ALDH18A1: variants seen among roughly 807,000 people sequenced by gnomAD.
ALDH18A1 encodes delta-1-pyrroline-5-carboxylate synthase.
In ALDH18A1, 44 loss-of-function variants were observed where a neutral mutation model predicts 88.8. That is an observed-to-expected ratio of 0.50 (90% CI 0.39 to 0.64). The LOEUF is 0.64. ALDH18A1 is among the 30% of genes least tolerant of loss of function. The pLI, the probability that ALDH18A1 is intolerant of heterozygous loss-of-function variation, is 0.00. For synonymous variants in ALDH18A1, 331 were observed against 372.1 expected, an observed-to-expected ratio of 0.89 and a Z score of 1.27; for missense variants, 782 against 1,009.5, an observed-to-expected ratio of 0.77 and a Z score of 3.05.
chr10:95,618,935 T>C (rs956272329), intron 12 of ALDH18A1, among the ~76,000 whole-genome samples: 4 of 152,218 alleles, frequency 2.6e-5, no homozygotes, highest in Non-Finnish European at 4.4e-5. Flanking sequence ...AATGGACATA[T>C]GAACAACTAC....
At chr10:95,655,354 G>C (rs764581384) in intron 1 of ALDH18A1, among the ~76,000 whole-genome samples, 5 of 152,134 alleles carry the variant, frequency 3.3e-5, no homozygotes, top group Non-Finnish European at 7.3e-5. Flanking sequence ...GTAAATGTCA[G>C]TTTTCCTCCT....
chr10:95,642,998 A>C lies in ALDH18A1; in HGVS notation c.297T>G (p.Val99=). ...TTTCTATCTTGGCAATCACCTGCTC[A>C]ACAATAGATGCCAAGCGCCCCAGGG... ...GLALGRLASI[V]EQVSVLQNQG... Residue 99 remains valine, a synonymous_variant, in exon 3 of 18, where the codon GTT becomes GTG. Coordinates refer to ENST00000371224, the MANE Select transcript of ALDH18A1 (RefSeq NM_002860.4). The C allele has an allele frequency of 1.2e-6, 2 of 1,613,390 alleles. No individual in the cohort carries two copies. The highest frequency in any genetic ancestry group is 1.8e-4 in the Middle Eastern group (1 of 5,530).
In ALDH18A1 at chr10:95,645,774, G is replaced by A. The variant is rs375107216; in HGVS notation, c.89-2568C>T. ...TCATCTGGGATGGAACTGGGATTCCGATGGCATTGCTGGATCCACAGGTGC... is the reference window on the plus strand; with the variant it reads ...TCATCTGGGATGGAACTGGGATTCCAATGGCATTGCTGGATCCACAGGTGC... On this transcript the variant is annotated intron_variant, in intron 2 of 17. Coordinates refer to ENST00000371224, the MANE Select transcript of ALDH18A1 (RefSeq NM_002860.4). Among the ~76,000 whole-genome samples, 669 of 152,094 alleles carry A rather than the reference G, an allele frequency of 4.4e-3. 2 individuals are homozygous for A. Among genetic ancestry groups the A allele is most frequent in the Middle Eastern group, 0.02 (6 of 294 alleles).
intron 16 of ALDH18A1, among the ~76,000 whole-genome samples, chr10:95,610,843 C>T (rs483920): frequency 0.13 from 20,031 of 152,164 alleles, 1,928 homozygotes; most frequent in East Asian, 0.49. Context: ...GCATCCTCCA[C>T]CATTGAGGCT....
intron 2 of ALDH18A1, among the ~76,000 whole-genome samples, chr10:95,644,009 G>C (rs1013588561): frequency 5.0e-4 from 76 of 152,266 alleles, no homozygotes; most frequent in South Asian, 1.0e-3. Flanking sequence ...CGAGCATGGT[G>C]GTGGGCACCT....
At chr10:95,622,194 CT>C (rs1182158513) in intron 11 of ALDH18A1, among the ~76,000 whole-genome samples, 1 of 151,820 alleles carries the variant, frequency 6.6e-6, no homozygotes, top group Non-Finnish European at 1.5e-5. Context: ...AAAAAGAAAA[CT>C]TTTTTCCTTT....
chr10:95,625,216 T>A, intron 11 of ALDH18A1, 146 bp downstream of exon 11: 1 of 778,036 alleles, frequency 1.3e-6, no homozygotes, highest in Non-Finnish European at 2.2e-6. Context: ...GCCACCCACC[T>A]ACCCTCAATA....
At chr10:95,626,631 G>T in intron 10 of ALDH18A1, 72 bp downstream of exon 10, 1 of 1,435,044 alleles carries the variant, frequency 7.0e-7, no homozygotes, top group Non-Finnish European at 9.8e-7. Flanking sequence ...GAGTCAGCAG[G>T]TTTGACTCCT....
intron 2 of ALDH18A1, 61 bp downstream of exon 2, chr10:95,653,229 G>C: frequency 7.0e-7 from 1 of 1,418,468 alleles, no homozygotes; most frequent in Non-Finnish European, 1.0e-6. Context: ...TGAAAACCTT[G>C]TTGAAACATA....
chr10:95,619,675 C>T (rs1293993405), intron 12 of ALDH18A1, among the ~76,000 whole-genome samples: 1 of 152,138 alleles, frequency 6.6e-6, no homozygotes, highest in Non-Finnish European at 1.5e-5. Context: ...CTGACAAAAA[C>T]AAGAAATGGG....
chr10:95,628,315 A>G, intron 8 of ALDH18A1, 53 bp downstream of exon 8: 1 of 1,612,710 alleles, frequency 6.2e-7, no homozygotes, highest in South Asian at 1.1e-5. Context: ...AAAGGATACA[A>G]TATAGTTTGG....
intron 12 of ALDH18A1, 80 bp from the exon 13 acceptor site, chr10:95,616,694 C>T: frequency 6.6e-7 from 1 of 1,514,138 alleles, no homozygotes; most frequent in Non-Finnish European, 9.0e-7. Context: ...ACAAGCACTC[C>T]TTCTGTGCTA....
At chr10:95,625,671 T>A (rs984554981) in intron 10 of ALDH18A1, among the ~76,000 whole-genome samples, 10 of 151,718 alleles carry the variant, frequency 6.6e-5, no homozygotes, top group Admixed American at 5.3e-4. Flanking sequence ...GGTCACTTCT[T>A]ACTTTTCCTC....
chr10:95,608,295 A>G (rs771128239), intron 17 of ALDH18A1, among the ~76,000 whole-genome samples: 4 of 152,252 alleles, frequency 2.6e-5, no homozygotes, highest in Admixed American at 2.0e-4. Flanking sequence ...TTTCAAGTAC[A>G]TGGAGAGTAT....
chr10:95,606,306 G>A lies in ALDH18A1; in HGVS notation c.*456C>T, dbSNP rs1354769841. 2 of 1,003,002 alleles carry A rather than the reference G, an allele frequency of 2.0e-6. No homozygotes were observed. Among genetic ancestry groups the A allele is most frequent in the East Asian group, 9.9e-5 (1 of 10,056 alleles). The allele number at this position is 1,003,002 out of a possible 1,614,324, so 62.1% of individuals were successfully genotyped here. A position where few individuals can be genotyped will look rare whatever the true frequency, so the allele number is the denominator to read the frequency against. ...GATGAGAATGCTAAAAAGAAGAGTTGCCCCTTTTCTAAAATTCCAAATCTT... is the reference window on the plus strand; with the variant it reads ...GATGAGAATGCTAAAAAGAAGAGTTACCCCTTTTCTAAAATTCCAAATCTT... On this transcript the variant is annotated 3_prime_UTR_variant, in exon 18 of 18. Coordinates refer to ENST00000371224, the MANE Select transcript of ALDH18A1 (RefSeq NM_002860.4).
intron 6 of ALDH18A1, 136 bp from the exon 7 acceptor site, chr10:95,633,185 G>A (rs1383358988): frequency 3.8e-6 from 3 of 795,622 alleles, no homozygotes; most frequent in African/African-American, 1.7e-5. Flanking sequence ...TGTAGATGAC[G>A]GCTCTTGCAG....
At chr10:95,641,090 T>C (rs916733683) in intron 3 of ALDH18A1, among the ~76,000 whole-genome samples, 5 of 136,830 alleles carry the variant, frequency 3.7e-5, no homozygotes, top group African/African-American at 1.3e-4. Context: ...AACCACTGGA[T>C]TGCACAACTG....
chr10:95,624,949 T>A (rs1002164426), intron 11 of ALDH18A1, among the ~76,000 whole-genome samples: 2 of 152,180 alleles, frequency 1.3e-5, no homozygotes, highest in African/African-American at 4.8e-5. Context: ...ATGGGGATAA[T>A]AAGTAGTAGC....
intron 5 of ALDH18A1, among the ~76,000 whole-genome samples, chr10:95,635,145 G>C (rs935491545): frequency 6.6e-6 from 1 of 152,134 alleles, no homozygotes; most frequent in African/African-American, 2.4e-5. Context: ...TGATGTCTTG[G>C]GGAAAAATAA....
Sources: allele counts gnomAD v4.1 joint callset (sites outside exome capture counted in the v4.1 genomes callset), GRCh38; gene constraint gnomAD v4.1.1; transcripts MANE v1.5; gene names NCBI Gene and HGNC (gene_info 2026-07-23, HGNC 2026-07-21).